The following SDK1 variants were observed in gnomAD, a reference collection of about 807,000 sequenced individuals.
The protein encoded by SDK1 is protein sidekick-1.
SDK1 carries 157 observed loss-of-function variants against 245.5 expected under a neutral mutation model. The ratio of observed to expected loss-of-function variants is 0.64; its 90% confidence interval spans 0.56 to 0.73. The LOEUF (loss-of-function observed/expected upper bound fraction) is 0.73. SDK1 is among the 30% of genes least tolerant of loss of function. SDK1 has a pLI of 0.00. For missense variants in SDK1, 3,583 were observed against 3,002.3 expected (o/e 1.19, Z -4.52); for synonymous variants, 1,647 against 1,278.5 (o/e 1.29, Z -6.15).
intron 4 of SDK1, among the ~76,000 whole-genome samples, chr7:3,790,956 G>A (rs1781063172): frequency 6.6e-6 from 1 of 152,048 alleles, no homozygotes; most frequent in Admixed American, 6.6e-5. Context: ...CACCCTGCTT[G>A]GTTTGAATCA....
At position 4,220,228 on chromosome 7, in the gene SDK1, G is replaced by A. The variant is rs1562449308; in HGVS notation, c.5659G>A (p.Gly1887Arg). ...TGTCCAAGCGCGGACCATCACCTAC[G>A]GGCCCGAGCTCCAAGCCAATATCAC... The part of the protein sequence containing the change: ...FRVQARTITY[G>R]PELQANITAG... Residue 1887 changes from glycine (G) to arginine (R), a missense_variant, in exon 39 of 45, where the codon GGG (glycine) becomes AGG (arginine). Transcript: ENST00000404826. 3 of 1,613,906 alleles carry A rather than the reference G, an allele frequency of 1.9e-6. No individual in the cohort carries two copies. Among genetic ancestry groups the A allele is most frequent in the Admixed American group, 1.7e-5 (1 of 60,006 alleles).
chr7:3,332,353 T>G (rs889510642), intron 1 of SDK1, among the ~76,000 whole-genome samples: 3 of 152,184 alleles, frequency 2.0e-5, no homozygotes, highest in Non-Finnish European at 2.9e-5. Context: ...CGTCAGTTGT[T>G]CTCCCCTTAT....
rs368041669 is a variant in SDK1 at position 4,011,015 on chromosome 7, C to T, written c.2181C>T (p.Gly727=). 4.2e-5 allele frequency: 67 copies of T among 1,614,188 alleles called. No individual in the cohort carries two copies. The highest frequency in any genetic ancestry group is 4.7e-5 in the Non-Finnish European group (56 of 1,180,014). ...CAAACGTTGGCCCTGAGATGACAGG[C>T]GTCACCGTGAGTGGCCTGACTCCGG... ...HLSNVGPEMT[G]VTVSGLTPAR... is the part of the protein sequence containing the mutation. The change falls in exon 15 of 45, where the codon GGC becomes GGT. Residue 727 remains glycine, a synonymous_variant. Transcript: ENST00000404826.
chr7:3,875,566 C>T (rs1416256119), intron 5 of SDK1, among the ~76,000 whole-genome samples: 4 of 152,214 alleles, frequency 2.6e-5, no homozygotes, highest in African/African-American at 7.2e-5. Context: ...TAGGCGTCCC[C>T]TCTTTATCCC....
chr7:3,940,255 C>T (rs866937408), intron 5 of SDK1, among the ~76,000 whole-genome samples: 1 of 152,222 alleles, frequency 6.6e-6, no homozygotes, highest in Non-Finnish European at 1.5e-5. Flanking sequence ...AATAGTGATT[C>T]AAGTTGGATA....
Position 3,396,879 on chromosome 7 carries a change from A to G in SDK1, c.298+94995A>G, listed in dbSNP as rs936949752. 2.0e-5 allele frequency among the ~76,000 whole-genome samples: 3 copies of G among 151,678 alleles called. No homozygotes were observed. The East Asian group carries it at 5.8e-4, about 29-fold the overall frequency. On this transcript the variant is annotated intron_variant, in intron 1 of 44. Coordinates refer to ENST00000404826, the MANE Select transcript of SDK1 (RefSeq NM_152744.4). ...TATTTAATGTAATTATTAAGATTTA[A>G]GTATACCTTTTCATTATATGTTTTC... is the stretch of plus-strand genomic sequence containing the variant.
chr7:3,966,382 A>T (rs150014406), intron 9 of SDK1, among the ~76,000 whole-genome samples: 63 of 152,212 alleles, frequency 4.1e-4, no homozygotes, highest in African/African-American at 1.3e-3. Flanking sequence ...AGAGACACAG[A>T]TCACTGTTGT....
chr7:3,563,006 T>G (rs1779798053), intron 1 of SDK1, among the ~76,000 whole-genome samples: 2 of 150,524 alleles, frequency 1.3e-5, no homozygotes, highest in Non-Finnish European at 3.0e-5. Context: ...AGAAAATACA[T>G]GCAAGTAACC....
chr7:3,878,486 C>T (rs973789099), intron 5 of SDK1, among the ~76,000 whole-genome samples: 9 of 152,098 alleles, frequency 5.9e-5, no homozygotes, highest in African/African-American at 2.2e-4. Context: ...CACTGCACTC[C>T]AGCCTGGGTG....
chr7:3,736,551 C>T (rs1362789692), intron 4 of SDK1, among the ~76,000 whole-genome samples: 1 of 152,146 alleles, frequency 6.6e-6, no homozygotes, highest in Non-Finnish European at 1.5e-5. Context: ...GGATTACAGG[C>T]GTGAGCCACC....
chr7:3,464,637 T>G (rs1780934894), intron 1 of SDK1, among the ~76,000 whole-genome samples: 1 of 151,884 alleles, frequency 6.6e-6, no homozygotes, highest in Non-Finnish European at 1.5e-5. Context: ...AAAACAAGGA[T>G]AATAAATGAA....
At chr7:3,958,189 T>C in intron 7 of SDK1, 1 of 327,028 alleles carries the variant, frequency 3.1e-6, no homozygotes, top group South Asian at 2.3e-5. Flanking sequence ...CAACAGCCTT[T>C]TGTTATCATG....
intron 44 of SDK1, among the ~76,000 whole-genome samples, chr7:4,264,556 G>A (rs1788323920): frequency 7.1e-6 from 1 of 141,028 alleles, no homozygotes; most frequent in Non-Finnish European, 1.5e-5. Context: ...CCTGAGTGAG[G>A]GAGGCCGCGT....
At chr7:3,434,050 T>C (rs934314913) in intron 1 of SDK1, among the ~76,000 whole-genome samples, 2 of 152,190 alleles carry the variant, frequency 1.3e-5, no homozygotes. Flanking sequence ...GTGCAGTCAA[T>C]AGAAGGAGGT....
At chr7:3,587,202 C>T (rs1396884309) in intron 1 of SDK1, among the ~76,000 whole-genome samples, 1 of 151,942 alleles carries the variant, frequency 6.6e-6, no homozygotes, top group African/African-American at 2.4e-5. Context: ...AATTTGAGGC[C>T]AAAGACAGAG....
intron 1 of SDK1, among the ~76,000 whole-genome samples, chr7:3,454,280 T>A (rs1780606431): frequency 6.6e-6 from 1 of 152,194 alleles, no homozygotes; most frequent in Admixed American, 6.5e-5. Context: ...CAACTCACTT[T>A]CTAGAGTTTC....
intron 4 of SDK1, among the ~76,000 whole-genome samples, chr7:3,698,950 C>T (rs1325439462): frequency 1.3e-5 from 2 of 152,116 alleles, no homozygotes; most frequent in East Asian, 3.9e-4. Context: ...AACCTCCTAC[C>T]CAGGAGAGAC....
chr7:3,561,519 G>A (rs1922012), intron 1 of SDK1, among the ~76,000 whole-genome samples: 100,981 of 151,856 alleles, frequency 0.66, 34,247 homozygotes, highest in African/African-American at 0.79. Context: ...CTGTGGGTAG[G>A]CCACCCCTAA....
At chr7:3,605,896 T>C (rs1781408965) in intron 1 of SDK1, among the ~76,000 whole-genome samples, 2 of 152,206 alleles carry the variant, frequency 1.3e-5, no homozygotes, top group Admixed American at 6.5e-5. Context: ...ACAAAAGTTT[T>C]TTTTTTAATT....
Sources: allele counts gnomAD v4.1 joint callset (sites outside exome capture counted in the v4.1 genomes callset), GRCh38; gene constraint gnomAD v4.1.1; transcripts MANE v1.5; gene names NCBI Gene and HGNC (gene_info 2026-07-23, HGNC 2026-07-21).